MAP2K2: variants seen among roughly 807,000 people sequenced by gnomAD.
MAP2K2 encodes the protein dual specificity mitogen-activated protein kinase kinase 2.
In MAP2K2, 24 loss-of-function variants were observed where a neutral mutation model predicts 43.7. The ratio of observed to expected loss-of-function variants is 0.55; its 90% CI spans 0.40 to 0.77. The LOEUF is 0.77. MAP2K2 is among the 30% of genes least tolerant of loss of function. The pLI, the probability that MAP2K2 is intolerant of heterozygous loss-of-function variation, is 0.00. For missense variants in MAP2K2, 470 were observed against 566.8 expected (o/e 0.83, Z 1.73); for synonymous variants, 244 against 239.7 (o/e 1.02, Z -0.17).
chr19:4,117,428 CATG>C lies in MAP2K2; in HGVS notation c.291_293del (p.Ile97del), dbSNP rs1555698652. ...ACCCCGCAGTGCTCACCTTCCTGGC[CATG>C]ATGAGGCCCGAGGGTCTGTGCTGGA... On this transcript the variant is annotated inframe_deletion, in exon 2 of 11. Coordinates refer to ENST00000262948, the MANE Select transcript of MAP2K2 (RefSeq NM_030662.4). The C allele has an allele frequency of 1.2e-6, 2 of 1,613,298 alleles. No homozygotes were observed. Among genetic ancestry groups the C allele is most frequent in the Non-Finnish European group, 1.7e-6 (2 of 1,180,028 alleles).
intron 3 of MAP2K2, among the ~76,000 whole-genome samples, chr19:4,109,339 G>A (rs1453013276): frequency 1.3e-5 from 2 of 152,194 alleles, no homozygotes; most frequent in African/African-American, 4.8e-5. Context: ...CCCCACCCTA[G>A]AGACTGTGGT....
chr19:4,102,482 G>A (rs756055846), intron 3 of MAP2K2, 29 bp from the exon 4 acceptor site: 1 of 1,525,388 alleles, frequency 6.6e-7, no homozygotes, highest in Admixed American at 1.8e-5. Flanking sequence ...GTGAGTGCAG[G>A]CTCTGCGCAG....
At position 4,105,828 on chromosome 19, in the gene MAP2K2, T is replaced by C. The variant is rs375804171; in HGVS notation, c.451-3375A>G. ...AGCTGGGAGTACAGGCGCGCCACCATGTCCTGCTAATTTTTTGTAGAGACG... is the reference window on the plus strand; with the variant it reads ...AGCTGGGAGTACAGGCGCGCCACCACGTCCTGCTAATTTTTTGTAGAGACG... On this transcript the variant is annotated intron_variant, in intron 3 of 10. Transcript: ENST00000262948. Among the ~76,000 whole-genome samples, 122 of 151,996 alleles carry C rather than the reference T, an allele frequency of 8.0e-4. 1 individual carries two copies. The highest frequency in any genetic ancestry group is 2.9e-3 in the African/African-American group (119 of 41,468).
chr19:4,095,296 G>A (rs558205936), intron 9 of MAP2K2, 92 bp downstream of exon 9: 12 of 1,114,382 alleles, frequency 1.1e-5, no homozygotes, highest in Admixed American at 1.0e-4. Flanking sequence ...GATTCTGGAT[G>A]GGCAGGCTGG....
At chr19:4,105,016 GATCTCCAGCTATAAAGACCAAAGT>G (rs1156671038) in intron 3 of MAP2K2, among the ~76,000 whole-genome samples, 1 of 152,174 alleles carries the variant, frequency 6.6e-6, no homozygotes, top group Non-Finnish European at 1.5e-5. Context: ...GAGAAGGGCT[GATCTCCAGCTATAAAGACCAAAGT>G]CTGGCAGGGT....
intron 9 of MAP2K2, 73 bp downstream of exon 9, chr19:4,095,315 C>A (rs1346150552): frequency 3.6e-6 from 5 of 1,391,892 alleles, no homozygotes; most frequent in Non-Finnish European, 5.0e-6. Context: ...GGGCCACGGG[C>A]CCCACCCAGG....
At chr19:4,091,868 C>T (rs930393014) in intron 10 of MAP2K2, among the ~76,000 whole-genome samples, 4 of 152,096 alleles carry the variant, frequency 2.6e-5, no homozygotes, top group East Asian at 1.9e-4. Context: ...AGGCTGGTCT[C>T]GAAATCCTGT....
intron 10 of MAP2K2, among the ~76,000 whole-genome samples, chr19:4,093,928 G>A (rs753295760): frequency 6.6e-5 from 10 of 152,186 alleles, no homozygotes; most frequent in Non-Finnish European, 1.3e-4. Context: ...GATGATGCCC[G>A]GGGCCCTCCT....
intron 3 of MAP2K2, among the ~76,000 whole-genome samples, chr19:4,109,500 G>A (rs528944183): frequency 7.7e-4 from 117 of 152,240 alleles, no homozygotes; most frequent in African/African-American, 2.5e-3. Context: ...GTGCAGTGGC[G>A]TGACCAAAGC....
chr19:4,093,848 T>G (rs1478296105), intron 10 of MAP2K2, among the ~76,000 whole-genome samples: 1 of 151,256 alleles, frequency 6.6e-6, no homozygotes, highest in Non-Finnish European at 1.5e-5. Context: ...TGTCGAGGGG[T>G]TTGAAGGTCG....
At chr19:4,111,987 C>A (rs1296863753) in intron 2 of MAP2K2, among the ~76,000 whole-genome samples, 16 of 151,600 alleles carry the variant, frequency 1.1e-4, no homozygotes, top group African/African-American at 3.9e-4. Flanking sequence ...ACAACAACAA[C>A]AACAACAACA....
chr19:4,110,746 A>C, intron 2 of MAP2K2, 91 bp from the exon 3 acceptor site: 11 of 1,443,584 alleles, frequency 7.6e-6, no homozygotes, highest in Non-Finnish European at 7.5e-6. Context: ...CGTTCCCAAC[A>C]GTGGTCAAGA....
At chr19:4,092,264 G>A (rs1362251997) in intron 10 of MAP2K2, among the ~76,000 whole-genome samples, 1 of 152,192 alleles carries the variant, frequency 6.6e-6, no homozygotes, top group Admixed American at 6.5e-5. Flanking sequence ...GCTAGGTCCA[G>A]GATACCCAAC....
chr19:4,104,910 A>T (rs2041064007), intron 3 of MAP2K2: 1 of 152,310 alleles, frequency 6.6e-6, no homozygotes, highest in Non-Finnish European at 1.5e-5. Context: ...CCTGGCCTCC[A>T]TCCACTCCAC....
At chr19:4,107,974 G>A (rs1171336368) in intron 3 of MAP2K2, among the ~76,000 whole-genome samples, 2 of 152,074 alleles carry the variant, frequency 1.3e-5, no homozygotes, top group African/African-American at 4.8e-5. Context: ...GACCTGACCC[G>A]GACGCCCATC....
At chr19:4,110,684 T>C in intron 2 of MAP2K2, 29 bp from the exon 3 acceptor site, 2 of 1,602,780 alleles carry the variant, frequency 1.2e-6, no homozygotes, top group Non-Finnish European at 8.5e-7. Flanking sequence ...GAGACTGGCT[T>C]GGGGGGTGCC....
intron 6 of MAP2K2, 153 bp downstream of exon 6, chr19:4,100,866 G>A: frequency 1.1e-6 from 1 of 874,056 alleles, no homozygotes; most frequent in Non-Finnish European, 1.8e-6. Flanking sequence ...TGGGAGGCGG[G>A]GAGAGCTGCG....
At chr19:4,097,736 GGGGGCAGGCCCC>G (rs1312605374) in intron 7 of MAP2K2, among the ~76,000 whole-genome samples, 1 of 152,218 alleles carries the variant, frequency 6.6e-6, no homozygotes, top group Non-Finnish European at 1.5e-5. Context: ...TGGCGGTGAT[GGGGGCAGGCCCC>G]AAGTGCCACT....
At chr19:4,102,522 C>A (rs113143475) in intron 3 of MAP2K2, 69 bp from the exon 4 acceptor site, 281 of 1,224,162 alleles carry the variant, frequency 2.3e-4, no homozygotes, top group South Asian at 5.9e-4. Flanking sequence ...TGCGTCCCCC[C>A]ACTCCCGGCG....
Sources: allele counts gnomAD v4.1 joint callset (sites outside exome capture counted in the v4.1 genomes callset), GRCh38; gene constraint gnomAD v4.1.1; transcripts MANE v1.5; gene names NCBI Gene and HGNC (gene_info 2026-07-23, HGNC 2026-07-21).